The following UBE2D4 variants were observed in gnomAD, a reference collection of about 807,000 sequenced individuals.
UBE2D4 encodes the protein ubiquitin-conjugating enzyme E2 D4.
In UBE2D4, 17 loss-of-function variants were observed where a neutral mutation model predicts 23.0. The observed-to-expected ratio is 0.74, with a 90% CI of 0.51 to 1.11. The LOEUF is 1.11. Ranked by LOEUF, UBE2D4 falls within the 50% of genes least tolerant of loss-of-function variation. UBE2D4 has a pLI of 0.00. For synonymous variants in UBE2D4, 61 were observed against 69.4 expected, an observed-to-expected ratio of 0.88 and a Z score of 0.60; for missense variants, 139 against 181.8, an observed-to-expected ratio of 0.76 and a Z score of 1.35.
intron 4 of UBE2D4, 29 bp downstream of exon 4, chr7:43,943,060 G>GT: frequency 6.2e-7 from 1 of 1,607,618 alleles, no homozygotes; most frequent in Non-Finnish European, 8.5e-7. Context: ...CTCCCCTGAT[G>GT]TTTGGATGAA....
rs2096008432 is a variant in UBE2D4 at position 43,953,979 on chromosome 7, A to C, written c.*1284A>C. Reference sequence around the variant, plus strand: ...GGCTTTTGCCGGCTGATTGAAAGGAAGTCTACAGACCTAACATAAGCAGTC... The same window carrying C: ...GGCTTTTGCCGGCTGATTGAAAGGACGTCTACAGACCTAACATAAGCAGTC... On this transcript the variant is annotated 3_prime_UTR_variant, in exon 7 of 7. Coordinates refer to ENST00000222402, the MANE Select transcript of UBE2D4 (RefSeq NM_015983.4). 6.6e-6 allele frequency: 1 copy of C among 152,272 alleles called. No homozygotes were observed. 9.4% of individuals were successfully genotyped at this position (152,272 alleles called of 1,614,324 possible).
intron 1 of UBE2D4, among the ~76,000 whole-genome samples, chr7:43,933,552 C>G (rs1241894708): frequency 2.0e-5 from 3 of 151,960 alleles, no homozygotes; most frequent in Non-Finnish European, 4.4e-5. Flanking sequence ...ACCAGCCTGG[C>G]CAACATGGTG....
At position 43,926,507 on chromosome 7, in the gene UBE2D4, G is replaced by A. The variant is rs746625519; in HGVS notation, c.-26G>A. On this transcript the variant is annotated 5_prime_UTR_variant, in exon 1 of 7. Coordinates refer to ENST00000222402, the MANE Select transcript of UBE2D4 (RefSeq NM_015983.4). Reference sequence around the variant, plus strand: ...CGCCTCAGGCAGCCCCGGCCGGGCCGCCCGGGTCCCCGGCAGCGGGGTAGG... The same window carrying A: ...CGCCTCAGGCAGCCCCGGCCGGGCCACCCGGGTCCCCGGCAGCGGGGTAGG... 5 of 1,515,206 alleles carry A rather than the reference G, an allele frequency of 3.3e-6. No homozygotes were observed. The highest frequency in any genetic ancestry group is 2.9e-5 in the African/African-American group (2 of 69,924). The allele number at this position is 1,515,206 out of a possible 1,614,324, so 93.9% of individuals were successfully genotyped here.
intron 4 of UBE2D4, among the ~76,000 whole-genome samples, chr7:43,945,776 CTTTTTTT>C (rs11339851): frequency 4.2e-4 from 35 of 84,234 alleles, no homozygotes; most frequent in South Asian, 5.3e-4. Context: ...GGCAAAATCC[CTTTTTTT>C]TTTTTTTTTT....
intron 1 of UBE2D4, among the ~76,000 whole-genome samples, chr7:43,926,774 A>G (rs1337089088): frequency 1.3e-5 from 2 of 151,264 alleles, no homozygotes; most frequent in South Asian, 2.1e-4. Context: ...CGTGGCCACG[A>G]GGGCTGCGTC....
chr7:43,949,549 C>T (rs1001911606), intron 5 of UBE2D4, among the ~76,000 whole-genome samples: 4 of 152,218 alleles, frequency 2.6e-5, no homozygotes, highest in African/African-American at 9.6e-5. Flanking sequence ...AAAGGCAAAC[C>T]TGCCCCTGTC....
At chr7:43,935,768 G>A (rs1429870710) in intron 1 of UBE2D4, among the ~76,000 whole-genome samples, 2 of 152,202 alleles carry the variant, frequency 1.3e-5, no homozygotes, top group African/African-American at 2.4e-5. Flanking sequence ...CTTCAAAAAC[G>A]TGGTACTTGA....
At chr7:43,927,334 C>T (rs1378377601) in intron 1 of UBE2D4, among the ~76,000 whole-genome samples, 2 of 132,040 alleles carry the variant, frequency 1.5e-5, no homozygotes, top group African/African-American at 2.9e-5. Context: ...CTTGCTCTGT[C>T]GCCCAGGCTG....
At chr7:43,950,279 G>T (rs1190891687) in intron 5 of UBE2D4, among the ~76,000 whole-genome samples, 1 of 152,168 alleles carries the variant, frequency 6.6e-6, no homozygotes, top group South Asian at 2.1e-4. Flanking sequence ...AATGCCAGAG[G>T]TTCATGATGT....
intron 5 of UBE2D4, 112 bp downstream of exon 5, chr7:43,948,849 T>A (rs1233123583): frequency 1.2e-6 from 1 of 816,630 alleles, no homozygotes. Context: ...CCAGGTCACA[T>A]AGCCCTGTCC....
chr7:43,948,171 T>C (rs1585884390), intron 4 of UBE2D4, among the ~76,000 whole-genome samples: 2 of 152,376 alleles, frequency 1.3e-5, no homozygotes, highest in South Asian at 4.1e-4. Context: ...TAGTTTCTTT[T>C]GCTGTGCAGA....
Position 43,950,634 on chromosome 7 carries a change from A to G in UBE2D4, c.340A>G (p.Asn114Asp). The G allele has an allele frequency of 1.2e-6, 2 of 1,614,182 alleles. No homozygotes were observed. The highest frequency in any genetic ancestry group is 1.7e-6 in the Non-Finnish European group (2 of 1,180,026). The part of the protein sequence containing the change: ...LSICSLLCDP[N>D]PDDPLVPEIA... ...CATCTGCTCGCTGCTCTGCGACCCC[A>G]ACCCCGATGACCCCCTGGTGCCAGA... Residue 114 changes from asparagine (N) to aspartate (D), a missense_variant, in exon 6 of 7, where the codon AAC becomes GAC. Asn to Asp is a conservative substitution (Grantham distance 23). Transcript: ENST00000222402.
chr7:43,934,651 T>TTTC (rs1554295272), intron 1 of UBE2D4, among the ~76,000 whole-genome samples: 1 of 150,914 alleles, frequency 6.6e-6, no homozygotes. Flanking sequence ...TTTTTTTTTT[T>TTTC]CCCACAAGAA....
Position 43,956,112 on chromosome 7 carries a change from T to C in UBE2D4, c.*3417T>C, listed in dbSNP as rs1218470545. 1 of 152,144 alleles carries C rather than the reference T, an allele frequency of 6.6e-6. No homozygotes were observed. The highest frequency in any genetic ancestry group is 1.5e-5 in the Non-Finnish European group (1 of 68,042). The allele number at this position is 152,144 out of a possible 1,614,324, so 9.4% of individuals were successfully genotyped here. Reference sequence around the variant, plus strand: ...TCTAAAAAAAAACAAAAACAAAAGCTATAAAAAATCTGCAAAACACCCTAT... The same window carrying C: ...TCTAAAAAAAAACAAAAACAAAAGCCATAAAAAATCTGCAAAACACCCTAT... On this transcript the variant is annotated 3_prime_UTR_variant, in exon 7 of 7. Coordinates refer to ENST00000222402, the MANE Select transcript of UBE2D4 (RefSeq NM_015983.4).
At chr7:43,927,332 GTCGCCCAGGCTGGAGTA>G (rs1054741683) in intron 1 of UBE2D4, among the ~76,000 whole-genome samples, 5 of 122,956 alleles carry the variant, frequency 4.1e-5, no homozygotes, top group South Asian at 2.4e-4. Flanking sequence ...GTCTTGCTCT[GTCGCCCAGGCTGGAGTA>G]TCGCCCAGGC....
At chr7:43,948,008 T>C (rs2095992223) in intron 4 of UBE2D4, among the ~76,000 whole-genome samples, 1 of 152,378 alleles carries the variant, frequency 6.6e-6, no homozygotes, top group Admixed American at 6.5e-5. Context: ...AAGTGTCTGT[T>C]CATATCCTTT....
chr7:43,942,225 A>G (rs1048800673), intron 2 of UBE2D4: 1 of 154,964 alleles, frequency 6.5e-6, no homozygotes, highest in Non-Finnish European at 1.4e-5. Context: ...TTGAGGCAGA[A>G]GGATAGCTTG....
In UBE2D4 at chr7:43,952,977, C is replaced by T; in HGVS notation, c.*282C>T. On this transcript the variant is annotated 3_prime_UTR_variant, in exon 7 of 7. Coordinates refer to ENST00000222402, the MANE Select transcript of UBE2D4 (RefSeq NM_015983.4). ...CTCTCTCTCTGCCGCCTCAGTTTGT[C>T]TGCTGGTCTCTTGGGGGGCCAGGCC... 1 of 409,970 alleles carries T rather than the reference C, an allele frequency of 2.4e-6. No homozygotes were observed. Among genetic ancestry groups the T allele is most frequent in the Non-Finnish European group, 4.7e-6 (1 of 213,640 alleles). 25.4% of individuals were successfully genotyped at this position (409,970 alleles called of 1,614,324 possible). A position where few individuals can be genotyped will look rare whatever the true frequency, so the allele number is the denominator to read the frequency against.
intron 2 of UBE2D4, 110 bp from the exon 3 acceptor site, chr7:43,942,716 G>A: frequency 6.7e-7 from 1 of 1,490,954 alleles, no homozygotes; most frequent in Non-Finnish European, 9.3e-7. Flanking sequence ...GGTGTCAGAA[G>A]TGAGTGCATC....
Sources: allele counts gnomAD v4.1 joint callset (sites outside exome capture counted in the v4.1 genomes callset), GRCh38; gene constraint gnomAD v4.1.1; transcripts MANE v1.5; gene names NCBI Gene and HGNC (gene_info 2026-07-23, HGNC 2026-07-21).